Variants in ZPBP observed in about 807,000 individuals in gnomAD.
ZPBP encodes zona pellucida-binding protein 1.
ZPBP carries 26 observed loss-of-function variants against 44.8 expected under a neutral mutation model. The observed-to-expected ratio is 0.58, with a 90% CI of 0.43 to 0.81. The LOEUF (loss-of-function observed/expected upper bound fraction) is 0.81. Ranked by LOEUF, ZPBP falls within the 30% of genes least tolerant of loss-of-function variation. The pLI, the probability that ZPBP is intolerant of heterozygous loss-of-function variation, is 0.00. For missense variants in ZPBP, 409 were observed against 434.0 expected (o/e 0.94, Z 0.51); for synonymous variants, 174 against 153.2 (o/e 1.14, Z -1.00).
At chr7:49,879,761 C>T (rs965253986) in intron 2 of ZPBP, among the ~76,000 whole-genome samples, 3 of 151,982 alleles carry the variant, frequency 2.0e-5, no homozygotes, top group African/African-American at 7.3e-5. Context: ...TAAATAGGCC[C>T]TTTGCTATCT....
At chr7:50,050,054 C>T (rs1800608318) in intron 4 of ZPBP, among the ~76,000 whole-genome samples, 1 of 151,838 alleles carries the variant, frequency 6.6e-6, no homozygotes, top group East Asian at 1.9e-4. Flanking sequence ...AAATAACACA[C>T]TTAGTATACA....
chr7:49,982,816 T>C (rs1797089099), intron 7 of ZPBP, among the ~76,000 whole-genome samples: 1 of 151,868 alleles, frequency 6.6e-6, no homozygotes, highest in African/African-American at 2.4e-5. Flanking sequence ...TCAATCTAAG[T>C]CAACAGCCTC....
downstream of ZPBP, among the ~76,000 whole-genome samples, chr7:49,846,776 T>C (rs796614512): frequency 5.3e-5 from 8 of 152,360 alleles, no homozygotes; most frequent in African/African-American, 1.9e-4. Context: ...GATATAGGAA[T>C]GCATACATTT....
At chr7:50,080,370 T>A (rs1467875612) in intron 3 of ZPBP, among the ~76,000 whole-genome samples, 1 of 151,722 alleles carries the variant, frequency 6.6e-6, no homozygotes, top group African/African-American at 2.4e-5. Flanking sequence ...CAGGATTATA[T>A]CTTTACCTGG....
chr7:49,948,699 C>G (rs1196762128), intron 7 of ZPBP, among the ~76,000 whole-genome samples: 1 of 151,930 alleles, frequency 6.6e-6, no homozygotes, highest in Non-Finnish European at 1.5e-5. Flanking sequence ...CGACAAGTAT[C>G]AAGAAAATGG....
intron 2 of ZPBP, among the ~76,000 whole-genome samples, chr7:49,852,705 C>A (rs1790230806): frequency 6.6e-6 from 1 of 152,154 alleles, no homozygotes; most frequent in Non-Finnish European, 1.5e-5. Context: ...ACGGGCCTTG[C>A]TCCTACAGAT....
chr7:49,913,463 A>G (rs1793561447), intron 1 of ZPBP: 1 of 152,230 alleles, frequency 6.6e-6, no homozygotes, highest in African/African-American at 2.4e-5. Context: ...TGTAGGATAA[A>G]AAAAGCAAAA....
At chr7:50,011,435 G>A (rs181333791) in intron 6 of ZPBP, among the ~76,000 whole-genome samples, 1 of 152,206 alleles carries the variant, frequency 6.6e-6, no homozygotes, top group East Asian at 1.9e-4. Flanking sequence ...CAACCATGTT[G>A]CCCACAAAGT....
intron 1 of ZPBP, chr7:49,916,550 G>A (rs960447550): frequency 3.9e-5 from 6 of 152,136 alleles, no homozygotes; most frequent in African/African-American, 1.4e-4. Context: ...ACCATAGTTT[G>A]CATAATGGTT....
intron 2 of ZPBP, among the ~76,000 whole-genome samples, chr7:49,875,314 G>A (rs1791355167): frequency 8.7e-6 from 1 of 114,288 alleles, no homozygotes. Flanking sequence ...AGGTTGCAGT[G>A]AGCCAAGATC....
chr7:49,852,035 T>C (rs1181434491), intron 2 of ZPBP, among the ~76,000 whole-genome samples: 1 of 152,148 alleles, frequency 6.6e-6, no homozygotes. Context: ...CCGGATTTAA[T>C]CCGGATTAAA....
At chr7:49,985,045 T>C (rs1041713737) in intron 6 of ZPBP, among the ~76,000 whole-genome samples, 3 of 152,154 alleles carry the variant, frequency 2.0e-5, no homozygotes, top group Non-Finnish European at 4.4e-5. Context: ...CATGGCTAAA[T>C]TGTCCCCCTG....
At chr7:49,954,654 A>T (rs905400479) in intron 7 of ZPBP, among the ~76,000 whole-genome samples, 1 of 152,182 alleles carries the variant, frequency 6.6e-6, no homozygotes, top group Non-Finnish European at 1.5e-5. Flanking sequence ...GTACTACATA[A>T]TGATAGAGGA....
At chr7:49,843,061 G>A in the ZPBP span, among the ~76,000 whole-genome samples, 1 of 151,962 alleles carries the variant, frequency 6.6e-6, no homozygotes, top group Admixed American at 6.6e-5. Flanking sequence ...TCCCCGAGTC[G>A]CTGCATTGCC....
chr7:50,089,618 T>C lies in ZPBP; in HGVS notation c.208+11A>G, dbSNP rs759048370. The C allele has an allele frequency of 2.5e-6, 4 of 1,586,860 alleles. No individual in the cohort carries two copies. Among genetic ancestry groups the C allele is most frequent in the Admixed American group, 1.7e-5 (1 of 59,490 alleles). On this transcript the variant is annotated intron_variant, in intron 2 of 7. Coordinates refer to ENST00000046087, the MANE Select transcript of ZPBP (RefSeq NM_007009.3). ...ACTTTTAAAAATTAGTGAAAATATA[T>C]TTATGAATACCTGGAAAACTTGTTG... is the stretch of plus-strand genomic sequence containing the variant.
chr7:49,896,635 C>T (rs2128732746), intron 2 of ZPBP, among the ~76,000 whole-genome samples: 2 of 151,944 alleles, frequency 1.3e-5, no homozygotes, highest in South Asian at 4.2e-4. Flanking sequence ...AACAATTAAA[C>T]ACATAGCAAG....
chr7:49,843,311 C>T, the ZPBP span, among the ~76,000 whole-genome samples: 2 of 152,118 alleles, frequency 1.3e-5, no homozygotes, highest in Non-Finnish European at 2.9e-5. Flanking sequence ...CTGATGGCTC[C>T]AGGAACATAA....
intron 5 of ZPBP, among the ~76,000 whole-genome samples, chr7:50,023,105 C>A (rs1249957911): frequency 6.6e-6 from 1 of 151,984 alleles, no homozygotes; most frequent in African/African-American, 2.4e-5. Context: ...TTGGAAACCC[C>A]GCCTCAAGAG....
At chr7:49,944,287 G>A (rs1795008080) in intron 7 of ZPBP, 1 of 310,550 alleles carries the variant, frequency 3.2e-6, no homozygotes, top group Non-Finnish European at 6.2e-6. Flanking sequence ...TACCACAGCT[G>A]TTCTTGTATT....
Sources: gnomAD v4.1 joint callset for allele counts (sites outside exome capture counted in the v4.1 genomes callset) on GRCh38, gnomAD v4.1.1 for gene constraint, MANE v1.5 for transcripts, NCBI Gene and HGNC (gene_info 2026-07-23, HGNC 2026-07-21) for gene names.